Variants in RCC1L observed in about 807,000 individuals in gnomAD.
RCC1L encodes the protein RCC1-like G exchanging factor-like protein.
RCC1L carries 46 observed loss-of-function variants against 58.6 expected under a neutral mutation model. The ratio of observed to expected loss-of-function variants is 0.79; its 90% confidence interval spans 0.62 to 1.00. RCC1L has a LOEUF of 1.00. RCC1L is among the 50% of genes least tolerant of loss of function. The probability of loss-of-function intolerance (pLI) is 0.00; values close to 1 mark genes in which losing one functional copy is unlikely to be tolerated. For synonymous variants in RCC1L, 281 were observed against 262.9 expected (o/e 1.07, Z -0.67); for missense variants, 636 against 623.6 (o/e 1.02, Z -0.21).
chr7:75,047,011 G>A (rs1294413748), intron 10 of RCC1L, among the ~76,000 whole-genome samples: 3 of 152,056 alleles, frequency 2.0e-5, no homozygotes, highest in African/African-American at 7.2e-5. Flanking sequence ...AGGCTGGAGT[G>A]CAGTGGCACG....
chr7:75,032,250 G>A (rs946234279), intron 10 of RCC1L, among the ~76,000 whole-genome samples: 1 of 152,136 alleles, frequency 6.6e-6, no homozygotes, highest in Non-Finnish European at 1.5e-5. Context: ...GGAGTTGGAC[G>A]GGGCCTTTCT....
chr7:75,050,396 C>T (rs1353802199), intron 10 of RCC1L, among the ~76,000 whole-genome samples: 7 of 152,184 alleles, frequency 4.6e-5, no homozygotes, highest in Non-Finnish European at 1.0e-4. Context: ...GATCGGGCTC[C>T]GGCCACTCCC....
chr7:75,058,891 C>A, intron 6 of RCC1L, 122 bp from the exon 7 acceptor site: 1 of 1,194,848 alleles, frequency 8.4e-7, no homozygotes, highest in East Asian at 2.9e-5. Context: ...AAATCCCAGT[C>A]TGGGGCTGGG....
At chr7:75,029,639 T>A (rs34863951) in intron 10 of RCC1L, among the ~76,000 whole-genome samples, 2 of 151,804 alleles carry the variant, frequency 1.3e-5, no homozygotes, top group Non-Finnish European at 2.9e-5. Context: ...ATACCCCGCC[T>A]GGCCAATGGG....
At chr7:75,036,153 G>A (rs918410569) in intron 10 of RCC1L, among the ~76,000 whole-genome samples, 14 of 135,840 alleles carry the variant, frequency 1.0e-4, no homozygotes, top group South Asian at 2.3e-4. Flanking sequence ...AGTTTTGCTC[G>A]TTTCCCAAGC....
At chr7:75,058,289 TGTG>T (rs1182509673) in intron 7 of RCC1L, 22 of 376,518 alleles carry the variant, frequency 5.8e-5, no homozygotes, top group Non-Finnish European at 1.0e-4. Flanking sequence ...CAGGCTGGAA[TGTG>T]GTGGCACGAT....
chr7:75,029,038 C>T (rs1398687282), intron 10 of RCC1L, among the ~76,000 whole-genome samples: 2 of 152,216 alleles, frequency 1.3e-5, no homozygotes, highest in Non-Finnish European at 2.9e-5. Flanking sequence ...CAGGAGGAGG[C>T]TTGGTCTGGA....
chr7:75,055,974 G>A lies in RCC1L; in HGVS notation c.1158C>T (p.Gly386=). The change falls in exon 9 of 11, where the codon GGC becomes GGT. Residue 386 remains glycine, a synonymous_variant. Transcript: ENST00000610322. Reference sequence around the variant, plus strand: ...GGATTTCTGGGTTGAACTCCGTCAAGCCAAAGAGAGTGGGTGGAATCATTT... The same window carrying A: ...GGATTTCTGGGTTGAACTCCGTCAAACCAAAGAGAGTGGGTGGAATCATTT... ...VPEMIPPTLF[G]LTEFNPEIQV... is the part of the protein sequence containing the mutation. The A allele has an allele frequency of 6.2e-7, 1 of 1,613,962 alleles. No homozygotes were observed. Among genetic ancestry groups the A allele is most frequent in the East Asian group, 2.2e-5 (1 of 44,872 alleles).
chr7:75,061,147 C>A, intron 6 of RCC1L, 60 bp downstream of exon 6: 1 of 1,406,214 alleles, frequency 7.1e-7, no homozygotes, highest in Non-Finnish European at 1.0e-6. Flanking sequence ...CTACAGCTCA[C>A]AGCTCCACAT....
At chr7:75,062,605 C>T (rs1806310727) in intron 5 of RCC1L, among the ~76,000 whole-genome samples, 1 of 152,162 alleles carries the variant, frequency 6.6e-6, no homozygotes. Flanking sequence ...CCATTTTATT[C>T]TCATCCCCAG....
At chr7:75,048,188 AC>A (rs1805798551) in intron 10 of RCC1L, among the ~76,000 whole-genome samples, 1 of 146,430 alleles carries the variant, frequency 6.8e-6, no homozygotes, top group African/African-American at 2.5e-5. Context: ...AATCGCTTGA[AC>A]CCGGGAGGCG....
intron 10 of RCC1L, among the ~76,000 whole-genome samples, chr7:75,035,106 C>G (rs1359197180): frequency 7.2e-5 from 11 of 152,228 alleles, no homozygotes; most frequent in Admixed American, 6.5e-4. Context: ...TCCAAGCTCA[C>G]TGCAGCCCCC....
Position 75,058,237 on chromosome 7 carries a change from T to C in RCC1L, c.969+351A>G, listed in dbSNP as rs1195770647. On this transcript the variant is annotated intron_variant, in intron 7 of 10. Coordinates refer to ENST00000610322, the MANE Select transcript of RCC1L (RefSeq NM_030798.5). Reference sequence around the variant, plus strand: ...CAGGCGTGAGCCACCACGCCCAGCCTATTTGCTCTTTTTTTTCGAGACAGA... The same window carrying C: ...CAGGCGTGAGCCACCACGCCCAGCCCATTTGCTCTTTTTTTTCGAGACAGA... 7.3e-5 allele frequency: 22 copies of C among 299,536 alleles called. No individual in the cohort carries two copies. In the Admixed American group the frequency reaches 9.3e-4, roughly 13 times the overall value. The allele number at this position is 299,536 out of a possible 1,614,324, so 18.6% of individuals were successfully genotyped here.
chr7:75,037,348 C>G (rs1805451362), downstream of RCC1L, among the ~76,000 whole-genome samples: 1 of 151,874 alleles, frequency 6.6e-6, no homozygotes, highest in Non-Finnish European at 1.5e-5. Context: ...ACATACCCAG[C>G]TAATTTTTGT....
chr7:75,040,119 C>A (rs901036471), downstream of RCC1L, among the ~76,000 whole-genome samples: 47 of 152,244 alleles, frequency 3.1e-4, no homozygotes, highest in Non-Finnish European at 4.9e-4. Context: ...AAAAGACAAA[C>A]CGAAGGACGT....
intron 6 of RCC1L, among the ~76,000 whole-genome samples, chr7:75,060,054 G>A (rs1198411836): frequency 6.6e-6 from 1 of 152,086 alleles, no homozygotes; most frequent in African/African-American, 2.4e-5. Flanking sequence ...GAGCCACCGC[G>A]CCCGGCCCCG....
intron 10 of RCC1L, among the ~76,000 whole-genome samples, chr7:75,029,935 A>G (rs1180611294): frequency 6.6e-6 from 1 of 152,200 alleles, no homozygotes; most frequent in Non-Finnish European, 1.5e-5. Context: ...AGGTGGGAGG[A>G]TAGCTTGAGG....
At chr7:75,048,825 C>T (rs1805824944) in intron 10 of RCC1L, among the ~76,000 whole-genome samples, 1 of 152,214 alleles carries the variant, frequency 6.6e-6, no homozygotes, top group Admixed American at 6.5e-5. Context: ...TTCAGGCTCG[C>T]CCAGGGAGGT....
intron 10 of RCC1L, among the ~76,000 whole-genome samples, chr7:75,047,511 C>T (rs945515786): frequency 2.0e-5 from 3 of 152,212 alleles, no homozygotes; most frequent in Non-Finnish European, 4.4e-5. Context: ...AATCCTTTCG[C>T]GTCAGCCTCT....
Sources: gnomAD v4.1 joint callset for allele counts (sites outside exome capture counted in the v4.1 genomes callset) on GRCh38, gnomAD v4.1.1 for gene constraint, MANE v1.5 for transcripts, NCBI Gene and HGNC (gene_info 2026-07-23, HGNC 2026-07-21) for gene names.